ABHD2: variants seen among roughly 807,000 people sequenced by gnomAD.
The protein encoded by ABHD2 is monoacylglycerol lipase ABHD2.
In ABHD2, 20 loss-of-function variants were observed where a neutral mutation model predicts 48.1. That is an observed-to-expected ratio of 0.42 (90% CI 0.29 to 0.60). ABHD2 has a LOEUF of 0.60. ABHD2 is among the 20% of genes least tolerant of loss of function. The pLI, the probability that ABHD2 is intolerant of heterozygous loss-of-function variation, is 0.24. For synonymous variants in ABHD2, 209 were observed against 214.2 expected, an observed-to-expected ratio of 0.98 and a Z score of 0.21; for missense variants, 405 against 550.9, an observed-to-expected ratio of 0.74 and a Z score of 2.65.
chr15:89,094,046 G>C lies in ABHD2; in HGVS notation c.-107+5483G>C, dbSNP rs1424229986. On this transcript the variant is annotated intron_variant, in intron 1 of 10. Transcript: ENST00000352732. This position sits in a 1 kb window ranked among gnomAD's most constrained non-coding sequence, Gnocchi z 4.7. ...ATCTTTAGTCTATTAGTCTAATCTA[G>C]AGTCCTTACCTTCTGGCCTTTGCTC... 3 of 152,170 alleles carry C rather than the reference G, an allele frequency of 2.0e-5. No homozygotes were observed. Among genetic ancestry groups the C allele is most frequent in the Non-Finnish European group, 2.9e-5 (2 of 68,060 alleles). The allele number at this position is 152,170 out of a possible 1,614,324, so 9.4% of individuals were successfully genotyped here.
At chr15:89,131,400 C>A (rs957592706) in intron 3 of ABHD2, among the ~76,000 whole-genome samples, 1 of 152,180 alleles carries the variant, frequency 6.6e-6, no homozygotes, top group Non-Finnish European at 1.5e-5. Flanking sequence ...GCTTTCTGGA[C>A]ATTTATGGTT....
upstream of ABHD2, chr15:89,087,841 G>A (rs994846304): frequency 5.2e-5 from 8 of 152,480 alleles, no homozygotes; most frequent in Middle Eastern, 6.8e-3. The surrounding 1 kb of genome is among the most constrained non-coding windows in gnomAD (Gnocchi z 5.5). Context: ...GGAGCTGGAA[G>A]AGGCCATAGA....
chr15:89,139,489 G>A (rs2050368721), intron 3 of ABHD2, among the ~76,000 whole-genome samples: 2 of 152,178 alleles, frequency 1.3e-5, no homozygotes, highest in Non-Finnish European at 2.9e-5. Context: ...GGCGGTCACT[G>A]TGTCCGGCTC....
At chr15:89,123,121 G>A (rs2050077875) in intron 3 of ABHD2, among the ~76,000 whole-genome samples, 1 of 152,162 alleles carries the variant, frequency 6.6e-6, no homozygotes, top group African/African-American at 2.4e-5. Context: ...GAAACTTAGG[G>A]GTGAGGGGCA....
At position 89,166,756 on chromosome 15, in the gene ABHD2, G is replaced by C. The variant is rs760135926; in HGVS notation, c.539-9056G>C. Among the ~76,000 whole-genome samples the C allele has an allele frequency of 4.4e-4, 67 of 152,282 alleles. No homozygotes were observed. The highest frequency in any genetic ancestry group is 8.4e-4 in the Non-Finnish European group (57 of 68,022). On this transcript the variant is annotated intron_variant, in intron 5 of 10. Coordinates refer to ENST00000352732, the MANE Select transcript of ABHD2 (RefSeq NM_152924.5). The surrounding 1 kb of genome is among the most constrained non-coding windows in gnomAD (Gnocchi z 4.6). ...GGAGTTCAAGGCTACACTGAGCTGT[G>C]ATCATGCCACTGCACAGCCTGAGCT...
the ABHD2 span, among the ~76,000 whole-genome samples, chr15:89,052,840 T>C: frequency 6.6e-6 from 1 of 152,166 alleles, no homozygotes; most frequent in African/African-American, 2.4e-5. Context: ...CCTGAGGGGA[T>C]GTACCCTTTG....
intron 3 of ABHD2, among the ~76,000 whole-genome samples, chr15:89,131,223 C>T (rs1020030736): frequency 1.2e-4 from 18 of 152,230 alleles, no homozygotes; most frequent in African/African-American, 3.9e-4. Context: ...TCCTTCTTCC[C>T]TATATTCCTT....
the ABHD2 span, among the ~76,000 whole-genome samples, chr15:89,057,733 C>A: frequency 4.6e-5 from 7 of 151,160 alleles, no homozygotes; most frequent in Non-Finnish European, 7.4e-5. Context: ...TGCCACCATG[C>A]GGCTTCCCAG....
intron 1 of ABHD2, among the ~76,000 whole-genome samples, chr15:89,112,443 G>A (rs537307970): frequency 8.3e-4 from 127 of 152,312 alleles, no homozygotes; most frequent in African/African-American, 2.8e-3. Flanking sequence ...GTGGGGTCAG[G>A]TGGCCTGTGA....
upstream of ABHD2, among the ~76,000 whole-genome samples, chr15:89,085,881 T>C (rs1055202378): frequency 2.6e-5 from 4 of 152,226 alleles, no homozygotes; most frequent in Non-Finnish European, 4.4e-5. The surrounding 1 kb of genome is among the most constrained non-coding windows in gnomAD (Gnocchi z 4.2). Context: ...CAAACCTGTA[T>C]TGGGCTGGGC....
chr15:89,160,198 G>A (rs1007939697), intron 5 of ABHD2, among the ~76,000 whole-genome samples: 5 of 152,204 alleles, frequency 3.3e-5, no homozygotes, highest in South Asian at 4.1e-4. Context: ...GGCCTAACAC[G>A]TTAGAGCAAA....
the ABHD2 span, among the ~76,000 whole-genome samples, chr15:89,059,262 C>T: frequency 1.3e-5 from 2 of 152,144 alleles, no homozygotes; most frequent in Non-Finnish European, 2.9e-5. Context: ...CCCACCCAGG[C>T]GAGCCACTTG....
intron 5 of ABHD2, among the ~76,000 whole-genome samples, chr15:89,165,385 A>G (rs1403582709): frequency 6.6e-6 from 1 of 152,148 alleles, no homozygotes; most frequent in Non-Finnish European, 1.5e-5. Context: ...CTCTTTTGAT[A>G]AAGACATTAG....
chr15:89,200,747 C>T lies in ABHD2; in HGVS notation c.*5324C>T. ...GTCAAGAGAAAAAAAAAAGAAATAG[C>T]ACTCTGCATGCTTTGCTCTACAAGA... On this transcript the variant is annotated 3_prime_UTR_variant, in exon 11 of 11. Transcript: ENST00000352732. The T allele has an allele frequency of 4.3e-6, 1 of 234,202 alleles. No homozygotes were observed. Among genetic ancestry groups the T allele is most frequent in the South Asian group, 7.6e-5 (1 of 13,236 alleles). 14.5% of individuals were successfully genotyped at this position (234,202 alleles called of 1,614,324 possible).
In ABHD2 at chr15:89,166,401, G is replaced by A. The variant is rs954799437; in HGVS notation, c.539-9411G>A. The stretch of plus-strand genomic sequence containing the variant: ...CGGGCATTAGACATCAAGCTGTGAG[G>A]AAGTACGTGAAATCACAGCATTGAA... On this transcript the variant is annotated intron_variant, in intron 5 of 10. Transcript: ENST00000352732. The surrounding 1 kb of genome is among the most constrained non-coding windows in gnomAD (Gnocchi z 4.6). Among the ~76,000 whole-genome samples, 5 of 152,196 alleles carry A rather than the reference G, an allele frequency of 3.3e-5. No homozygotes were observed. Among genetic ancestry groups the A allele is most frequent in the African/African-American group, 1.2e-4 (5 of 41,458 alleles).
rs530133343 is a variant in ABHD2 at position 89,104,490 on chromosome 15, G to A, written c.-106-9235G>A. Among the ~76,000 whole-genome samples, 23 of 152,206 alleles carry A rather than the reference G, an allele frequency of 1.5e-4. No homozygotes were observed. The South Asian group carries it at 1.9e-3, about 12-fold the overall frequency. On this transcript the variant is annotated intron_variant, in intron 1 of 10. Transcript: ENST00000352732. The surrounding 1 kb of genome is among the most constrained non-coding windows in gnomAD (Gnocchi z 4.4). ...CTGCACGTGTTAATGCTGTCATCAC[G>A]GGCCCCACAGTGTGTATTAGCCAAG... is the stretch of plus-strand genomic sequence containing the variant.
chr15:89,190,538 T>G (rs2150951658), intron 8 of ABHD2, among the ~76,000 whole-genome samples: 1 of 152,350 alleles, frequency 6.6e-6, no homozygotes, highest in Non-Finnish European at 1.5e-5. Context: ...AAAGTTCCAG[T>G]AAATGTCCTT....
chr15:89,045,658 AG>A, the ABHD2 span, among the ~76,000 whole-genome samples: 2 of 152,238 alleles, frequency 1.3e-5, no homozygotes, highest in East Asian at 3.9e-4. Context: ...TTCTCTTTGA[AG>A]CAATTGTGAA....
At position 89,175,732 on chromosome 15, in the gene ABHD2, T is replaced by G; in HGVS notation, c.539-80T>G. 1 of 1,473,644 alleles carries G rather than the reference T, an allele frequency of 6.8e-7. No individual in the cohort carries two copies. Among genetic ancestry groups the G allele is most frequent in the Non-Finnish European group, 9.5e-7 (1 of 1,058,044 alleles). The allele number at this position is 1,473,644 out of a possible 1,614,324, so 91.3% of individuals were successfully genotyped here. A position where few individuals can be genotyped will look rare whatever the true frequency, so the allele number is the denominator to read the frequency against. On this transcript the variant is annotated intron_variant, in intron 5 of 10. Coordinates refer to ENST00000352732, the MANE Select transcript of ABHD2 (RefSeq NM_152924.5). The surrounding 1 kb of genome is among the most constrained non-coding windows in gnomAD (Gnocchi z 5.7). ...CTCTCTTTTAGTATACTGGCACCCA[T>G]TTAGTAACGTTCCAGCTTGCATTTT... is the stretch of plus-strand genomic sequence containing the variant.
Sources: gnomAD v4.1 joint callset for allele counts (sites outside exome capture counted in the v4.1 genomes callset) on GRCh38, gnomAD v4.1.1 for gene constraint, Gnocchi (gnomAD v3.1) non-coding constraint, MANE v1.5 for transcripts, NCBI Gene and HGNC (gene_info 2026-07-23, HGNC 2026-07-21) for gene names.